Variants in CACNA1C observed in about 807,000 individuals in gnomAD.
CACNA1C encodes voltage-dependent L-type calcium channel subunit alpha-1C.
CACNA1C carries 30 observed loss-of-function variants against 229.0 expected under a neutral mutation model. The ratio of observed to expected loss-of-function variants is 0.13; its 90% CI spans 0.10 to 0.18. CACNA1C has a LOEUF of 0.18. CACNA1C is among the 10% of genes least tolerant of loss of function. The pLI is 1.00. For missense variants in CACNA1C, 1,658 were observed against 2,845.0 expected (o/e 0.58, Z 9.49); for synonymous variants, 1,114 against 1,132.5 (o/e 0.98, Z 0.33).
chr12:2,473,893 A>G (rs980117275), intron 5 of CACNA1C, among the ~76,000 whole-genome samples: 2 of 152,252 alleles, frequency 1.3e-5, no homozygotes, highest in Non-Finnish European at 1.5e-5. Context: ...CCCTAAGAGC[A>G]TTTTGTTCGA....
intron 29 of CACNA1C, among the ~76,000 whole-genome samples, chr12:2,626,269 G>A (rs567070345): frequency 3.9e-5 from 6 of 152,338 alleles, no homozygotes; most frequent in African/African-American, 1.2e-4. Flanking sequence ...GTTAGAGAGG[G>A]CACAAGGCAG....
rs746554838 is a variant in CACNA1C, at chr12:2,677,820, G to A, written c.5044G>A (p.Ala1682Thr). The part of the protein sequence containing the change: ...DLTAEEELDK[A>T]MKEAVSAASE... Reference sequence around the variant, plus strand: ...CACCGCTGAGGAGGAGCTGGACAAGGCCATGAAGGAGGCTGTGTCCGCTGC... The same window carrying A: ...CACCGCTGAGGAGGAGCTGGACAAGACCATGAAGGAGGCTGTGTCCGCTGC... Residue 1682 changes from alanine (A) to threonine (T), a missense_variant, in exon 41 of 47, where the codon GCC (alanine) becomes ACC (threonine). Physicochemically the swap from Ala to Thr is moderately conservative, Grantham distance 58 (BLOSUM62 0). Coordinates refer to ENST00000399655, the MANE Select transcript of CACNA1C (RefSeq NM_000719.7). This position sits in a 1 kb window ranked among gnomAD's most constrained non-coding sequence, Gnocchi z 7.4. 12 of 1,613,920 alleles carry A rather than the reference G, an allele frequency of 7.4e-6. No homozygotes were observed. The Admixed American group carries it at 1.3e-4, about 18-fold the overall frequency.
rs1047559745 is a variant in CACNA1C, at chr12:2,503,790, A to G, written c.1114-1052A>G. On this transcript the variant is annotated intron_variant, in intron 7 of 46. Transcript: ENST00000399655. ...GTTACAGTCAGTTTCCACATTAAGG[A>G]CCATTTACCCCTAAGCTGTGGTTGC... Among the ~76,000 whole-genome samples, 62 of 152,120 alleles carry G rather than the reference A, an allele frequency of 4.1e-4. 1 individual carries two copies. The highest frequency in any genetic ancestry group is 1.3e-3 in the African/African-American group (54 of 41,406).
chr12:2,158,983 G>A (rs34856983), intron 3 of CACNA1C, among the ~76,000 whole-genome samples: 2,886 of 152,130 alleles, frequency 0.019, 71 homozygotes, highest in Non-Finnish European at 0.023. Flanking sequence ...AGGTGAAAGA[G>A]GGCTAAACCC....
chr12:2,472,853 A>G (rs2099600535), intron 5 of CACNA1C, among the ~76,000 whole-genome samples: 1 of 152,212 alleles, frequency 6.6e-6, no homozygotes, highest in Non-Finnish European at 1.5e-5. Flanking sequence ...CAGACAGTTT[A>G]CCATGAACGT....
rs1338995829 is a variant in CACNA1C at position 1,972,332 on chromosome 12, C to T, written c.139+1131C>T. 2.0e-5 allele frequency among the ~76,000 whole-genome samples: 3 copies of T among 152,150 alleles called. No individual in the cohort carries two copies. The East Asian group carries it at 5.8e-4, about 29-fold the overall frequency. ...TTTGTGTAAACACTTGTTTCTGAGA[C>T]TTCATTCAAATATAATGTTTCTTGA... On this transcript the variant is annotated intron_variant, in intron 1 of 46. Transcript: ENST00000682462.
Position 2,585,747 on chromosome 12 carries a change from C to A in CACNA1C, c.2461-88C>A. 9.4e-7 allele frequency: 1 copy of A among 1,060,030 alleles called. No homozygotes were observed. The highest frequency in any genetic ancestry group is 1.4e-6 in the Non-Finnish European group (1 of 696,960). The allele number at this position is 1,060,030 out of a possible 1,614,324, so 65.7% of individuals were successfully genotyped here. A position where few individuals can be genotyped will look rare whatever the true frequency, so the allele number is the denominator to read the frequency against. On this transcript the variant is annotated intron_variant, in intron 17 of 46. Transcript: ENST00000399655. This position sits in a 1 kb window ranked among gnomAD's most constrained non-coding sequence, Gnocchi z 4.1. ...ACCTATTTTTGAGCTAAGTCACTGA[C>A]TAAAATGCAACTTCAAGGCTACTGC...
intron 3 of CACNA1C, among the ~76,000 whole-genome samples, chr12:2,311,661 T>G (rs1286868981): frequency 6.6e-6 from 1 of 152,222 alleles, no homozygotes; most frequent in East Asian, 1.9e-4. Context: ...AGAGGCTTCT[T>G]TAGCCAGAAA....
chr12:2,429,822 G>A (rs2099066002), intron 3 of CACNA1C, among the ~76,000 whole-genome samples: 2 of 152,216 alleles, frequency 1.3e-5, no homozygotes, highest in Admixed American at 6.5e-5. Flanking sequence ...CTTAGGTGAT[G>A]AGGAAGAGTA....
chr12:2,121,477 T>G (rs777099177), intron 3 of CACNA1C, among the ~76,000 whole-genome samples: 39 of 152,196 alleles, frequency 2.6e-4, no homozygotes, highest in Non-Finnish European at 4.7e-4. Context: ...TCGCCCCAGT[T>G]TTTTCAGGTA....
chr12:2,428,477 G>T (rs969539459), intron 3 of CACNA1C, among the ~76,000 whole-genome samples: 2 of 152,210 alleles, frequency 1.3e-5, no homozygotes, highest in Admixed American at 1.3e-4. Flanking sequence ...TATTAATCCT[G>T]CCTGCCTAGA....
At chr12:1,988,714 C>T (rs2038514313) in intron 1 of CACNA1C, among the ~76,000 whole-genome samples, 1 of 152,176 alleles carries the variant, frequency 6.6e-6, no homozygotes, top group African/African-American at 2.4e-5. Context: ...AGTCTACCAA[C>T]CACTCACTTT....
At chr12:2,062,634 C>T (rs1357741350) in intron 1 of CACNA1C, among the ~76,000 whole-genome samples, 7 of 152,194 alleles carry the variant, frequency 4.6e-5, no homozygotes, top group East Asian at 1.9e-4. Context: ...CTCCTGGTCC[C>T]GTCCTCTGGC....
intron 38 of CACNA1C, among the ~76,000 whole-genome samples, chr12:2,671,062 T>C (rs1403284952): frequency 6.6e-6 from 1 of 151,774 alleles, no homozygotes; most frequent in African/African-American, 2.4e-5. Flanking sequence ...GTCGCCAGGC[T>C]GGAGTGCAGT....
intron 1 of CACNA1C, among the ~76,000 whole-genome samples, chr12:1,984,151 A>G (rs1284695952): frequency 2.0e-5 from 3 of 152,050 alleles, no homozygotes; most frequent in Admixed American, 1.3e-4. Context: ...TGTAGAAAGC[A>G]TATAGTTAGG....
Position 2,602,892 on chromosome 12 carries a change from G to A in CACNA1C, c.2960+932G>A, listed in dbSNP as rs998650425. On this transcript the variant is annotated intron_variant, in intron 22 of 46. Transcript: ENST00000399655. The surrounding 1 kb of genome is among the most constrained non-coding windows in gnomAD (Gnocchi z 4.4). ...TCTGTGGTCCTCACACACACAAAAC[G>A]ATGGGGGAGACGGGGCAAGTGTTAT... 6.6e-5 allele frequency among the ~76,000 whole-genome samples: 10 copies of A among 152,230 alleles called. No homozygotes were observed. The highest frequency in any genetic ancestry group is 2.4e-4 in the African/African-American group (10 of 41,526).
At chr12:2,264,991 A>G (rs2081802607) in intron 3 of CACNA1C, among the ~76,000 whole-genome samples, 1 of 152,040 alleles carries the variant, frequency 6.6e-6, no homozygotes, top group Non-Finnish European at 1.5e-5. Context: ...TTTCTTGACT[A>G]CTTCTTAAGC....
intron 21 of CACNA1C, among the ~76,000 whole-genome samples, chr12:2,600,947 C>T (rs1449145659): frequency 6.6e-6 from 1 of 152,126 alleles, no homozygotes; most frequent in Non-Finnish European, 1.5e-5. Context: ...GTAGGGTAGA[C>T]CTTATCCTCA....
intron 1 of CACNA1C, among the ~76,000 whole-genome samples, chr12:1,995,523 G>A (rs568859639): frequency 6.6e-6 from 1 of 152,336 alleles, no homozygotes; most frequent in East Asian, 1.9e-4. Flanking sequence ...TTCTGAGACT[G>A]TGAAGAACCT....
Sources: gnomAD v4.1 joint callset for allele counts (sites outside exome capture counted in the v4.1 genomes callset) on GRCh38, gnomAD v4.1.1 for gene constraint, Gnocchi (gnomAD v3.1) non-coding constraint, MANE v1.5 for transcripts, NCBI Gene and HGNC (gene_info 2026-07-23, HGNC 2026-07-21) for gene names.